The following LYRM2 variants were observed in gnomAD, a reference collection of about 807,000 sequenced individuals.
LYRM2 encodes LYR motif-containing protein 2.
Under a neutral mutation model 11.6 loss-of-function variants are expected in LYRM2, and 8 were observed. That is an observed-to-expected ratio of 0.69 (90% CI 0.40 to 1.24). The LOEUF is 1.24. Ranked by LOEUF, LYRM2 falls within the 50% of genes most tolerant of loss-of-function variation. The pLI is 0.01. For missense variants in LYRM2, 117 were observed against 102.9 expected, an observed-to-expected ratio of 1.14 and a Z score of -0.59; for synonymous variants, 30 against 36.4, an observed-to-expected ratio of 0.83 and a Z score of 0.63.
Position 89,637,792 on chromosome 6 carries a change from T to C in LYRM2, c.136A>G (p.Lys46Glu), listed in dbSNP as rs34012596. Residue 46 changes from lysine (K) to glutamate (E), a missense_variant, in exon 2 of 3, where the codon AAA becomes GAA. Physicochemically the swap from Lys to Glu is moderately conservative, Grantham distance 56 (BLOSUM62 1). Transcript: ENST00000523377. ...VPNDSDRKYL[K>E]DWAREEFRRN... Reference sequence around the variant, plus strand: ...CTGAATTCTTCTCTTGCCCAATCTTTCAGGTATTTGCGATCAGAATCATTT... The same window carrying C: ...CTGAATTCTTCTCTTGCCCAATCTTCCAGGTATTTGCGATCAGAATCATTT... The C allele has an allele frequency of 0.2, 327,415 of 1,613,626 alleles. 35,198 individuals are homozygous for C. The highest frequency in any genetic ancestry group is 0.3 in the South Asian group (27,187 of 91,040).
At chr6:89,638,357 G>T in intron 1 of LYRM2, 1 of 1,263,408 alleles carries the variant, frequency 7.9e-7, no homozygotes, top group East Asian at 3.6e-5. Flanking sequence ...CAAATCTTTG[G>T]TAATCTCATT....
Position 89,637,174 on chromosome 6 carries a change from C to T in LYRM2, c.*99G>A. On this transcript the variant is annotated 3_prime_UTR_variant, in exon 3 of 3. Coordinates refer to ENST00000523377, the MANE Select transcript of LYRM2 (RefSeq NM_020466.5). ...TTGCTCTCTATCACCAAATACTGTACATATAAATAGTAAGACTGGGCTTTG... is the reference window on the plus strand; with the variant it reads ...TTGCTCTCTATCACCAAATACTGTATATATAAATAGTAAGACTGGGCTTTG... 4 of 674,676 alleles carry T rather than the reference C, an allele frequency of 5.9e-6. No homozygotes were observed. The highest frequency in any genetic ancestry group is 4.0e-4 in the Middle Eastern group (1 of 2,528). The allele number at this position is 674,676 out of a possible 1,614,324, so 41.8% of individuals were successfully genotyped here.
At chr6:89,638,202 G>A in intron 1 of LYRM2, 2 of 837,022 alleles carry the variant, frequency 2.4e-6, no homozygotes, top group Non-Finnish European at 3.1e-6. Flanking sequence ...AGCATCACGA[G>A]GTTCATCTGA....
rs146729725 is a variant in LYRM2, at chr6:89,636,950, G to A, written c.*323C>T. ...CCTACCACAGCCTCCTAAAGTACTG[G>A]GATTACAAGCATGAGCCACTACACC... On this transcript the variant is annotated 3_prime_UTR_variant, in exon 3 of 3. Coordinates refer to ENST00000523377, the MANE Select transcript of LYRM2 (RefSeq NM_020466.5). 1,348 of 185,492 alleles carry A rather than the reference G, an allele frequency of 7.3e-3. 7 individuals are homozygous for A. Among genetic ancestry groups the A allele is most frequent in the Non-Finnish European group, 0.012 (1,053 of 89,038 alleles). 11.5% of individuals were successfully genotyped at this position (185,492 alleles called of 1,614,324 possible).
At position 89,633,086 on chromosome 6, in the gene LYRM2, A is replaced by G. The variant is rs1372081029; in HGVS notation, c.*4187T>C. 1 of 152,212 alleles carries G rather than the reference A, an allele frequency of 6.6e-6. No homozygotes were observed. The highest frequency in any genetic ancestry group is 2.4e-5 in the African/African-American group (1 of 41,454). The allele number at this position is 152,212 out of a possible 1,614,324, so 9.4% of individuals were successfully genotyped here. On this transcript the variant is annotated 3_prime_UTR_variant, in exon 3 of 3. Coordinates refer to ENST00000523377, the MANE Select transcript of LYRM2 (RefSeq NM_020466.5). The stretch of plus-strand genomic sequence containing the variant: ...TACCCATCAGAAGCAGGCAGCTAAT[A>G]TTGTGAACTGAGTATTTTTGTCAAA...
chr6:89,637,500 T>C, intron 2 of LYRM2, 147 bp from the exon 3 acceptor site: 1 of 642,636 alleles, frequency 1.6e-6, no homozygotes, highest in East Asian at 2.8e-5. Context: ...CATACATACA[T>C]ATAAAATGTA....
intron 1 of LYRM2, 127 bp from the exon 2 acceptor site, chr6:89,638,009 A>C: frequency 2.7e-6 from 3 of 1,093,194 alleles, no homozygotes; most frequent in South Asian, 1.7e-5. Context: ...GCAAAGAAAA[A>C]CTTTTTTTTT....
intron 1 of LYRM2, among the ~76,000 whole-genome samples, chr6:89,638,106 G>T (rs1376189154): frequency 6.6e-6 from 1 of 152,092 alleles, no homozygotes; most frequent in Admixed American, 6.5e-5. Flanking sequence ...AGCCCAGGAG[G>T]TCTAAGCTGA....
In LYRM2 at chr6:89,633,792, C is replaced by G. The variant is rs1177508655; in HGVS notation, c.*3481G>C. 6.6e-6 allele frequency: 1 copy of G among 152,130 alleles called. No individual in the cohort carries two copies. Among genetic ancestry groups the G allele is most frequent in the Non-Finnish European group, 1.5e-5 (1 of 68,028 alleles). 9.4% of individuals were successfully genotyped at this position (152,130 alleles called of 1,614,324 possible). A position where few individuals can be genotyped will look rare whatever the true frequency, so the allele number is the denominator to read the frequency against. ...GTGTCTCTTCCAAGCATTAAAGATACTATGGATCTTAAATTCCTTATTAAA... is the reference window on the plus strand; with the variant it reads ...GTGTCTCTTCCAAGCATTAAAGATAGTATGGATCTTAAATTCCTTATTAAA... On this transcript the variant is annotated 3_prime_UTR_variant, in exon 3 of 3. Transcript: ENST00000523377.
intron 1 of LYRM2, chr6:89,638,135 T>C (rs1315004602): frequency 6.6e-6 from 4 of 605,630 alleles, no homozygotes; most frequent in East Asian, 7.5e-5. Flanking sequence ...TTCATTGCGC[T>C]ACTGCACTCA....
Position 89,637,178 on chromosome 6 carries a change from T to C in LYRM2, c.*95A>G. 1.4e-6 allele frequency: 1 copy of C among 689,944 alleles called. No individual in the cohort carries two copies. The highest frequency in any genetic ancestry group is 2.6e-6 in the Non-Finnish European group (1 of 390,902). 42.7% of individuals were successfully genotyped at this position (689,944 alleles called of 1,614,324 possible). On this transcript the variant is annotated 3_prime_UTR_variant, in exon 3 of 3. Coordinates refer to ENST00000523377, the MANE Select transcript of LYRM2 (RefSeq NM_020466.5). ...TCTCTATCACCAAATACTGTACATA[T>C]AAATAGTAAGACTGGGCTTTGTGTT...
Position 89,637,184 on chromosome 6 carries a change from G to C in LYRM2, c.*89C>G, listed in dbSNP as rs1808028521. 1.4e-6 allele frequency: 1 copy of C among 702,550 alleles called. No individual in the cohort carries two copies. Among genetic ancestry groups the C allele is most frequent in the East Asian group, 2.7e-5 (1 of 36,432 alleles). The allele number at this position is 702,550 out of a possible 1,614,324, so 43.5% of individuals were successfully genotyped here. A position where few individuals can be genotyped will look rare whatever the true frequency, so the allele number is the denominator to read the frequency against. ...TCACCAAATACTGTACATATAAATA[G>C]TAAGACTGGGCTTTGTGTTGTCCAT... On this transcript the variant is annotated 3_prime_UTR_variant, in exon 3 of 3. Transcript: ENST00000523377.
intron 1 of LYRM2, 122 bp from the exon 2 acceptor site, chr6:89,638,004 G>A: frequency 9.0e-7 from 1 of 1,111,246 alleles, no homozygotes; most frequent in East Asian, 2.5e-5. Context: ...AAAAGGCAAA[G>A]AAAAACTTTT....
intron 2 of LYRM2, 54 bp from the exon 3 acceptor site, chr6:89,637,407 G>T: frequency 1.8e-6 from 2 of 1,138,188 alleles, no homozygotes; most frequent in Non-Finnish European, 2.6e-6. Flanking sequence ...ACAAGGTATA[G>T]CTATACCATT....
rs1334925146 is a variant in LYRM2 at position 89,636,183 on chromosome 6, A to T, written c.*1090T>A. On this transcript the variant is annotated 3_prime_UTR_variant, in exon 3 of 3. Transcript: ENST00000523377. Reference sequence around the variant, plus strand: ...AATTCATACCTTACATTTAAAATGTACAGTTCAGTGGATTTGAATATATTC... The same window carrying T: ...AATTCATACCTTACATTTAAAATGTTCAGTTCAGTGGATTTGAATATATTC... 1 of 152,252 alleles carries T rather than the reference A, an allele frequency of 6.6e-6. No individual in the cohort carries two copies. Among genetic ancestry groups the T allele is most frequent in the East Asian group, 1.9e-4 (1 of 5,206 alleles). The allele number at this position is 152,252 out of a possible 1,614,324, so 9.4% of individuals were successfully genotyped here.
rs912603767 is a variant in LYRM2, at chr6:89,638,667, G to A, written c.45+5C>T. The stretch of plus-strand genomic sequence containing the variant: ...CTGCTTTGGAAGGCAGAGAACCGCC[G>A]GTACCTGCTTTAACGTTAGCGTCGC... On this transcript the variant is annotated splice_donor_5th_base_variant and intron_variant, in intron 1 of 2. Transcript: ENST00000523377. 1.9e-6 allele frequency: 3 copies of A among 1,613,982 alleles called. No homozygotes were observed. The highest frequency in any genetic ancestry group is 1.3e-5 in the African/African-American group (1 of 74,940).
In LYRM2 at chr6:89,632,366, G is replaced by GAA. The variant is rs1807572773; in HGVS notation, c.*4905_*4906dup. On this transcript the variant is annotated 3_prime_UTR_variant, in exon 3 of 3. Transcript: ENST00000523377. ...TCCATAGATATAGACATTCCTAAAA[G>GAA]AAAAATAATTCAGTAGATATATGTC... 2.6e-5 allele frequency: 1 copy of GAA among 38,602 alleles called. No individual in the cohort carries two copies. The highest frequency in any genetic ancestry group is 5.3e-5 in the Non-Finnish European group (1 of 18,884). 2.4% of individuals were successfully genotyped at this position (38,602 alleles called of 1,614,324 possible).
In LYRM2 at chr6:89,632,956, C is replaced by T. The variant is rs1807695353; in HGVS notation, c.*4317G>A. ...GAATTATTTTCACTTACCAAAATAT[C>T]TCCTATTACCTCAAGGTATCCTTGT... On this transcript the variant is annotated 3_prime_UTR_variant, in exon 3 of 3. Transcript: ENST00000523377. The T allele has an allele frequency of 1.3e-5, 2 of 152,174 alleles. No individual in the cohort carries two copies. The highest frequency in any genetic ancestry group is 4.8e-5 in the African/African-American group (2 of 41,422). 9.4% of individuals were successfully genotyped at this position (152,174 alleles called of 1,614,324 possible). A position where few individuals can be genotyped will look rare whatever the true frequency, so the allele number is the denominator to read the frequency against.
Position 89,637,126 on chromosome 6 carries a change from A to T in LYRM2, c.*147T>A. ...AGGGTATGTTTTTCAGTGTTAAGGC[A>T]ACTGTTCTGATGTGTTTTTCCTTTG... On this transcript the variant is annotated 3_prime_UTR_variant, in exon 3 of 3. Coordinates refer to ENST00000523377, the MANE Select transcript of LYRM2 (RefSeq NM_020466.5). The T allele has an allele frequency of 1.9e-6, 1 of 526,886 alleles. No homozygotes were observed. The highest frequency in any genetic ancestry group is 3.4e-6 in the Non-Finnish European group (1 of 295,818). 32.6% of individuals were successfully genotyped at this position (526,886 alleles called of 1,614,324 possible).
Sources: allele counts gnomAD v4.1 joint callset (sites outside exome capture counted in the v4.1 genomes callset), GRCh38; gene constraint gnomAD v4.1.1; transcripts MANE v1.5; gene names NCBI Gene and HGNC (gene_info 2026-07-23, HGNC 2026-07-21).